Variants in ZNF521 observed in about 807,000 individuals in gnomAD.
ZNF521 encodes LYST-interacting protein 3.
In ZNF521, 14 loss-of-function variants were observed where a neutral mutation model predicts 105.5. That is an observed-to-expected ratio of 0.13 (90% CI 0.09 to 0.21). The LOEUF (loss-of-function observed/expected upper bound fraction) is 0.21, where lower values mean the gene tolerates loss of function less well. Ranked by LOEUF, ZNF521 falls within the 10% of genes least tolerant of loss-of-function variation. The pLI is 1.00. For synonymous variants in ZNF521, 635 were observed against 606.0 expected, an observed-to-expected ratio of 1.05 and a Z score of -0.70; for missense variants, 1,233 against 1,629.7, an observed-to-expected ratio of 0.76 and a Z score of 4.19.
chr18:25,241,193 T>C (rs1907305358), intron 3 of ZNF521, among the ~76,000 whole-genome samples: 1 of 152,144 alleles, frequency 6.6e-6, no homozygotes, highest in African/African-American at 2.4e-5. Context: ...TCCATTATCT[T>C]AGTGTGTCAG....
At chr18:25,250,306 A>G (rs1034931185) in intron 3 of ZNF521, among the ~76,000 whole-genome samples, 1 of 152,208 alleles carries the variant, frequency 6.6e-6, no homozygotes, top group African/African-American at 2.4e-5. Context: ...GCTGTCTGGG[A>G]CTGGGTGGCT....
At chr18:25,249,871 CAT>C (rs1202704479) in intron 3 of ZNF521, among the ~76,000 whole-genome samples, 1 of 152,218 alleles carries the variant, frequency 6.6e-6, no homozygotes, top group Non-Finnish European at 1.5e-5. Flanking sequence ...AGCTGACAAT[CAT>C]ACTCTGAAAT....
intron 7 of ZNF521, among the ~76,000 whole-genome samples, chr18:25,073,248 G>T (rs2033270179): frequency 6.6e-6 from 1 of 152,154 alleles, no homozygotes; most frequent in South Asian, 2.1e-4. Flanking sequence ...AGCTTAAATT[G>T]ATAATTGCTC....
chr18:25,336,057 T>TGTCAATCTGC (rs1446323885), intron 2 of ZNF521, among the ~76,000 whole-genome samples: 1 of 152,166 alleles, frequency 6.6e-6, no homozygotes, highest in East Asian at 1.9e-4. Context: ...AGGAAAACAA[T>TGTCAATCTGC]GTCAATCTGC....
intron 4 of ZNF521, among the ~76,000 whole-genome samples, chr18:25,198,173 G>C (rs2035934072): frequency 6.6e-6 from 1 of 151,494 alleles, no homozygotes. Context: ...GAGTGGGATT[G>C]TCATTTCCTG....
chr18:25,231,541 T>A (rs994144749), intron 3 of ZNF521: 1 of 152,264 alleles, frequency 6.6e-6, no homozygotes, highest in South Asian at 2.1e-4. Flanking sequence ...GGACGTGATT[T>A]GATCCTAGCT....
At chr18:25,174,520 T>C (rs1164117526) in intron 5 of ZNF521, among the ~76,000 whole-genome samples, 2 of 152,182 alleles carry the variant, frequency 1.3e-5, no homozygotes, top group African/African-American at 2.4e-5. Flanking sequence ...AGTGTTTGGA[T>C]TGGTTCAGGG....
At chr18:25,298,573 A>G (rs1004588683) in intron 3 of ZNF521, among the ~76,000 whole-genome samples, 1 of 152,184 alleles carries the variant, frequency 6.6e-6, no homozygotes, top group Non-Finnish European at 1.5e-5. Context: ...TTAAGAATGT[A>G]TTCAATATCC....
chr18:25,207,672 A>G (rs756189441), intron 4 of ZNF521, among the ~76,000 whole-genome samples: 5 of 152,112 alleles, frequency 3.3e-5, no homozygotes, highest in Non-Finnish European at 7.4e-5. Context: ...TTATATGTAC[A>G]CCTAAAAGTA....
chr18:25,238,872 G>A (rs150623577), intron 3 of ZNF521, among the ~76,000 whole-genome samples: 53 of 152,134 alleles, frequency 3.5e-4, no homozygotes, highest in African/African-American at 1.2e-3. Context: ...TCTGAGGATG[G>A]GGCCCAGAAA....
intron 2 of ZNF521, among the ~76,000 whole-genome samples, chr18:25,324,700 G>T (rs1179451493): frequency 6.6e-6 from 1 of 152,168 alleles, no homozygotes; most frequent in African/African-American, 2.4e-5. Flanking sequence ...AGACCTGTTT[G>T]TTTTTAAATA....
Position 25,089,446 on chromosome 18 carries a change from C to T in ZNF521, c.3906+19G>A. 1 of 1,580,910 alleles carries T rather than the reference C, an allele frequency of 6.3e-7. No homozygotes were observed. Among genetic ancestry groups the T allele is most frequent in the Non-Finnish European group, 8.7e-7 (1 of 1,150,124 alleles). On this transcript the variant is annotated intron_variant, in intron 7 of 7. Coordinates refer to ENST00000361524, the MANE Select transcript of ZNF521 (RefSeq NM_015461.3). ...ATAGCAACTGAGTTCAATCCCAGTC[C>T]TCCCCATGAGGACATTACCTGCAGC...
chr18:25,088,086 A>G (rs747733793), intron 7 of ZNF521, among the ~76,000 whole-genome samples: 1 of 152,206 alleles, frequency 6.6e-6, no homozygotes, highest in South Asian at 2.1e-4. Flanking sequence ...TGCCTCTCCC[A>G]AGTCAACCAG....
chr18:25,145,971 G>GA (rs2034934875), intron 5 of ZNF521, among the ~76,000 whole-genome samples: 1 of 152,190 alleles, frequency 6.6e-6, no homozygotes, highest in South Asian at 2.1e-4. Context: ...GAGAGATGAT[G>GA]ACAACAGTTA....
intron 7 of ZNF521, among the ~76,000 whole-genome samples, chr18:25,076,267 A>G (rs1599970892): frequency 6.6e-6 from 1 of 152,210 alleles, no homozygotes; most frequent in African/African-American, 2.4e-5. Flanking sequence ...AGGGTTATAA[A>G]AGAAAAAGAC....
At chr18:25,066,218 G>A (rs1051888835) in intron 7 of ZNF521, among the ~76,000 whole-genome samples, 1 of 152,124 alleles carries the variant, frequency 6.6e-6, no homozygotes, top group African/African-American at 2.4e-5. Context: ...GTCCACCATT[G>A]GCAGTGATGC....
intron 5 of ZNF521, among the ~76,000 whole-genome samples, chr18:25,117,088 C>A (rs1438771363): frequency 1.3e-5 from 1 of 78,334 alleles, no homozygotes; most frequent in Admixed American, 1.4e-4. Flanking sequence ...CACACATACA[C>A]ACATCCTTAA....
chr18:25,075,942 C>G (rs1332513273), intron 7 of ZNF521, among the ~76,000 whole-genome samples: 1 of 152,202 alleles, frequency 6.6e-6, no homozygotes, highest in South Asian at 2.1e-4. Flanking sequence ...TCATGCTGAA[C>G]TGTCAGCATA....
chr18:25,300,632 G>C (rs1267929638), intron 3 of ZNF521, among the ~76,000 whole-genome samples: 1 of 152,064 alleles, frequency 6.6e-6, no homozygotes, highest in East Asian at 1.9e-4. Context: ...ATATTAGGTT[G>C]GTGCAAAAGT....
Sources: allele counts gnomAD v4.1 joint callset (sites outside exome capture counted in the v4.1 genomes callset), GRCh38; gene constraint gnomAD v4.1.1; transcripts MANE v1.5; gene names NCBI Gene and HGNC (gene_info 2026-07-23, HGNC 2026-07-21).